Variants in COLEC12 observed in about 807,000 individuals in gnomAD.
COLEC12 encodes collectin-12.
A neutral mutation model predicts 71.1 loss-of-function variants in COLEC12; 33 were observed. The ratio of observed to expected loss-of-function variants is 0.46; its 90% CI spans 0.35 to 0.62. The LOEUF is 0.62. COLEC12 is among the 20% of genes least tolerant of loss of function. The probability of loss-of-function intolerance (pLI) is 0.00; values close to 1 mark genes in which losing one functional copy is unlikely to be tolerated. For synonymous variants in COLEC12, 350 were observed against 353.0 expected (o/e 0.99, Z 0.10); for missense variants, 765 against 916.1 (o/e 0.84, Z 2.13).
intron 5 of COLEC12, among the ~76,000 whole-genome samples, chr18:338,726 G>A (rs1431150777): frequency 7.2e-5 from 11 of 152,200 alleles, no homozygotes; most frequent in Non-Finnish European, 1.6e-4. Flanking sequence ...GAATAGTGGT[G>A]AAGGTGTCAC....
At chr18:403,611 C>G (rs778967520) in intron 2 of COLEC12, among the ~76,000 whole-genome samples, 1 of 152,220 alleles carries the variant, frequency 6.6e-6, no homozygotes, top group Non-Finnish European at 1.5e-5. Flanking sequence ...ACAGCTTTAA[C>G]TGAAGACACA....
intron 2 of COLEC12, among the ~76,000 whole-genome samples, chr18:455,205 G>A (rs1455706608): frequency 6.6e-6 from 1 of 152,028 alleles, no homozygotes; most frequent in Non-Finnish European, 1.5e-5. Flanking sequence ...AGAAATGAAA[G>A]GCATTGTGAT....
chr18:448,561 AC>A (rs1916698189), intron 2 of COLEC12, among the ~76,000 whole-genome samples: 1 of 152,180 alleles, frequency 6.6e-6, no homozygotes, highest in African/African-American at 2.4e-5. Context: ...CCCCTGCCAA[AC>A]CCATCACAAT....
chr18:449,798 G>T (rs866429852), intron 2 of COLEC12, among the ~76,000 whole-genome samples: 1 of 152,144 alleles, frequency 6.6e-6, no homozygotes, highest in Non-Finnish European at 1.5e-5. Context: ...CTCTGCTCCC[G>T]GGCACCCATG....
chr18:409,738 G>C (rs939083421), intron 2 of COLEC12, among the ~76,000 whole-genome samples: 8 of 152,252 alleles, frequency 5.3e-5, no homozygotes, highest in Admixed American at 2.0e-4. Context: ...ATTACCCACT[G>C]TAAGTATAGA....
At chr18:447,446 C>T (rs1034246045) in intron 2 of COLEC12, among the ~76,000 whole-genome samples, 2 of 152,210 alleles carry the variant, frequency 1.3e-5, no homozygotes, top group Admixed American at 6.5e-5. Context: ...TCTGGAAATT[C>T]ACCCACAGCT....
At chr18:366,020 C>T (rs1914848552) in intron 2 of COLEC12, among the ~76,000 whole-genome samples, 1 of 152,192 alleles carries the variant, frequency 6.6e-6, no homozygotes, top group South Asian at 2.1e-4. Context: ...ATTCTGCCCA[C>T]ATCACCACAT....
chr18:355,204 C>T (rs963045892), intron 3 of COLEC12, among the ~76,000 whole-genome samples: 2 of 152,120 alleles, frequency 1.3e-5, no homozygotes, highest in African/African-American at 2.4e-5. Flanking sequence ...CATGGAAACT[C>T]GTAGTTTGGG....
In COLEC12 at chr18:347,024, T is replaced by C; in HGVS notation, c.598A>G (p.Asn200Asp). The stretch of plus-strand genomic sequence containing the variant: ...TTGTTGAGGTTCATGATGACCACAT[T>C]ATGAGAATACATTTGGTTCTGCAGA... ...GNLQNQMYSH[N>D]VVIMNLNNLN... Residue 200 changes from asparagine to aspartate, a missense_variant, in exon 5 of 10, where the codon AAT (asparagine) becomes GAT (aspartate). Asn to Asp is a conservative substitution (Grantham distance 23). Coordinates refer to ENST00000400256, the MANE Select transcript of COLEC12 (RefSeq NM_130386.3). 6.2e-7 allele frequency: 1 copy of C among 1,614,184 alleles called. No homozygotes were observed. Among genetic ancestry groups the C allele is most frequent in the Non-Finnish European group, 8.5e-7 (1 of 1,179,998 alleles).
chr18:445,923 C>T (rs1025134754), intron 2 of COLEC12, among the ~76,000 whole-genome samples: 6 of 152,156 alleles, frequency 3.9e-5, no homozygotes, highest in African/African-American at 1.4e-4. Context: ...TGAGTCACTG[C>T]GCCCAGCCTA....
At chr18:490,084 C>T (rs1344341474) in intron 1 of COLEC12, among the ~76,000 whole-genome samples, 3 of 152,232 alleles carry the variant, frequency 2.0e-5, no homozygotes, top group Non-Finnish European at 2.9e-5. Context: ...TGGGTGGCTC[C>T]AGGGCCCTGG....
intron 2 of COLEC12, among the ~76,000 whole-genome samples, chr18:369,150 C>T (rs920863913): frequency 6.6e-6 from 1 of 152,214 alleles, no homozygotes; most frequent in African/African-American, 2.4e-5. Flanking sequence ...CCACTCAGCG[C>T]CCTTACCATT....
intron 5 of COLEC12, among the ~76,000 whole-genome samples, chr18:344,035 C>G (rs746773037): frequency 2.0e-5 from 3 of 152,156 alleles, no homozygotes; most frequent in Non-Finnish European, 4.4e-5. Context: ...TAACTGAAGA[C>G]AAGGTAACAA....
chr18:473,668 T>TA (rs1917248099), intron 2 of COLEC12, among the ~76,000 whole-genome samples: 1 of 152,170 alleles, frequency 6.6e-6, no homozygotes, highest in Non-Finnish European at 1.5e-5. Context: ...CGGCCTCAAC[T>TA]CATATCTTTT....
chr18:413,560 A>AG (rs1277965220), intron 2 of COLEC12, among the ~76,000 whole-genome samples: 3 of 152,246 alleles, frequency 2.0e-5, no homozygotes, highest in Admixed American at 6.5e-5. Flanking sequence ...GGTCAGGCAC[A>AG]GTGCTACGAT....
intron 3 of COLEC12, among the ~76,000 whole-genome samples, chr18:349,660 C>G (rs775630272): frequency 6.6e-6 from 1 of 152,218 alleles, no homozygotes; most frequent in Non-Finnish European, 1.5e-5. Flanking sequence ...ATGAAAGCAG[C>G]AGGGAGAGAG....
chr18:453,815 C>T (rs1334279417), intron 2 of COLEC12, among the ~76,000 whole-genome samples: 1 of 152,112 alleles, frequency 6.6e-6, no homozygotes, highest in African/African-American at 2.4e-5. Context: ...ATAAATGTAC[C>T]CCTGTTCAGC....
intron 2 of COLEC12, among the ~76,000 whole-genome samples, chr18:381,075 A>G (rs1915222346): frequency 6.6e-6 from 1 of 152,184 alleles, no homozygotes; most frequent in South Asian, 2.1e-4. Context: ...TGAGCCTTCT[A>G]TAAATGTCAA....
At chr18:396,232 G>A (rs1014888723) in intron 2 of COLEC12, among the ~76,000 whole-genome samples, 3 of 152,178 alleles carry the variant, frequency 2.0e-5, no homozygotes, top group African/African-American at 7.2e-5. Context: ...GAAGTACAGG[G>A]CTCCTGAGTT....
Sources: gnomAD v4.1 joint callset for allele counts (sites outside exome capture counted in the v4.1 genomes callset) on GRCh38, gnomAD v4.1.1 for gene constraint, MANE v1.5 for transcripts, NCBI Gene and HGNC (gene_info 2026-07-23, HGNC 2026-07-21) for gene names.